RABGAP1L: variants seen among roughly 807,000 people sequenced by gnomAD.
RABGAP1L encodes the protein RAB GTPase activating protein 1 like, also known as rab GTPase-activating protein 1-like.
RABGAP1L carries 63 observed loss-of-function variants against 137.7 expected under a neutral mutation model. That is an observed-to-expected ratio of 0.46 (90% confidence interval 0.37 to 0.56). The LOEUF (loss-of-function observed/expected upper bound fraction) is 0.56, where lower values mean the gene tolerates loss of function less well. Ranked by LOEUF, RABGAP1L falls within the 20% of genes least tolerant of loss-of-function variation. The probability of loss-of-function intolerance (pLI) is 0.00; values close to 1 mark genes in which losing one functional copy is unlikely to be tolerated. For missense variants in RABGAP1L, 1,095 were observed against 1,244.0 expected (o/e 0.88, Z 1.80); for synonymous variants, 431 against 433.7 (o/e 0.99, Z 0.08).
intron 19 of RABGAP1L, among the ~76,000 whole-genome samples, chr1:174,914,593 T>C (rs1453100527): frequency 6.6e-6 from 1 of 152,220 alleles, no homozygotes; most frequent in African/African-American, 2.4e-5. Context: ...TGAAGCTTTA[T>C]ATTAATATAT....
intron 11 of RABGAP1L, among the ~76,000 whole-genome samples, chr1:174,352,257 C>A (rs1009825086): frequency 5.3e-5 from 8 of 151,858 alleles, no homozygotes; most frequent in African/African-American, 1.9e-4. Flanking sequence ...CTTTTTTATT[C>A]TTTTTTTCTT....
At chr1:174,680,661 T>G (rs545249957) in intron 14 of RABGAP1L, among the ~76,000 whole-genome samples, 2 of 152,208 alleles carry the variant, frequency 1.3e-5, no homozygotes, top group East Asian at 3.9e-4. Context: ...TTTGGAAGGC[T>G]GAGGTGGGCG....
chr1:174,383,403 G>A (rs1686391504), intron 12 of RABGAP1L, among the ~76,000 whole-genome samples: 1 of 151,904 alleles, frequency 6.6e-6, no homozygotes, highest in Admixed American at 6.5e-5. Context: ...CTGCCGCCTT[G>A]CAGTTTGATC....
At chr1:174,961,809 G>A (rs1278096184) in intron 20 of RABGAP1L, among the ~76,000 whole-genome samples, 3 of 131,488 alleles carry the variant, frequency 2.3e-5, no homozygotes, top group Non-Finnish European at 3.1e-5. Context: ...TCATGCCACT[G>A]CACTCCAGCG....
At chr1:174,406,119 T>A (rs1649239897) in intron 13 of RABGAP1L, among the ~76,000 whole-genome samples, 1 of 152,178 alleles carries the variant, frequency 6.6e-6, no homozygotes, top group Admixed American at 6.5e-5. Flanking sequence ...CAGAATAATT[T>A]AAATCAAATT....
In RABGAP1L at chr1:174,698,402, T is replaced by A. The variant is rs542522309; in HGVS notation, c.1900-1123T>A. On this transcript the variant is annotated intron_variant, in intron 15 of 25. Transcript: ENST00000681986. Reference sequence around the variant, plus strand: ...CTGGCCATTTCCCTGAAAACTGTATTTTACAGAAAGTAGCAACATCAAGAA... The same window carrying A: ...CTGGCCATTTCCCTGAAAACTGTATATTACAGAAAGTAGCAACATCAAGAA... Among the ~76,000 whole-genome samples the A allele has an allele frequency of 1.2e-3, 187 of 152,282 alleles. 2 individuals carry two copies. The highest frequency in any genetic ancestry group is 4.3e-3 in the African/African-American group (180 of 41,540).
intron 13 of RABGAP1L, among the ~76,000 whole-genome samples, chr1:174,527,864 T>C (rs116805818): frequency 6.6e-6 from 1 of 151,176 alleles, no homozygotes. Context: ...CCTCTTATCC[T>C]CCTCCTGGAA....
intron 13 of RABGAP1L, among the ~76,000 whole-genome samples, chr1:174,635,416 A>G (rs1314494347): frequency 6.6e-6 from 1 of 152,182 alleles, no homozygotes; most frequent in Admixed American, 6.5e-5. Flanking sequence ...AAAACCTGGC[A>G]GTGAAAACTT....
chr1:174,596,586 ATTTAC>A (rs1441859772), intron 13 of RABGAP1L, among the ~76,000 whole-genome samples: 3 of 152,130 alleles, frequency 2.0e-5, no homozygotes, highest in South Asian at 2.1e-4. Context: ...ATTTTATGTA[ATTTAC>A]TTCTCAGTTC....
chr1:174,615,416 G>C (rs1470679788), intron 13 of RABGAP1L, among the ~76,000 whole-genome samples: 1 of 152,186 alleles, frequency 6.6e-6, no homozygotes, highest in South Asian at 2.1e-4. Context: ...AAATGCTGCT[G>C]TCTGATCGTT....
rs1454288259 is a variant in RABGAP1L, at chr1:174,232,728, T to C, written c.542+1373T>C. ...AACCCAAGAGATCGTGCCACTGCGC[T>C]CCAGCCTGGGCGACAGAGCAAGACG... On this transcript the variant is annotated intron_variant, in intron 4 of 25. Coordinates refer to ENST00000681986, the MANE Select transcript of RABGAP1L (RefSeq NM_001366446.1). 3.4e-5 allele frequency among the ~76,000 whole-genome samples: 5 copies of C among 146,682 alleles called. No homozygotes were observed. In the Admixed American group the frequency reaches 3.5e-4, roughly 10 times the overall value.
chr1:174,306,730 A>G (rs1678295420), intron 11 of RABGAP1L, among the ~76,000 whole-genome samples: 1 of 151,662 alleles, frequency 6.6e-6, no homozygotes, highest in Admixed American at 6.6e-5. Flanking sequence ...TATCTGCTCT[A>G]TTTACTACAT....
rs1660395139 is a variant in RABGAP1L at position 174,492,865 on chromosome 1, C to T, written c.1710+98720C>T. ...CTTCCTTCATCACTCACTGCCTTTCCTTCCCCTCTTCCATATGTATAAGCA... is the reference window on the plus strand; with the variant it reads ...CTTCCTTCATCACTCACTGCCTTTCTTTCCCCTCTTCCATATGTATAAGCA... On this transcript the variant is annotated intron_variant, in intron 13 of 25. Coordinates refer to ENST00000681986, the MANE Select transcript of RABGAP1L (RefSeq NM_001366446.1). 2.0e-5 allele frequency among the ~76,000 whole-genome samples: 3 copies of T among 151,804 alleles called. No homozygotes were observed. The South Asian group carries it at 6.2e-4, about 32-fold the overall frequency.
At chr1:174,272,795 T>C (rs935705555) in intron 8 of RABGAP1L, among the ~76,000 whole-genome samples, 1 of 151,972 alleles carries the variant, frequency 6.6e-6, no homozygotes, top group African/African-American at 2.4e-5. Context: ...AACAAGCATC[T>C]CCAGAGTGAA....
chr1:174,796,636 C>A (rs547354535), intron 18 of RABGAP1L, among the ~76,000 whole-genome samples: 1 of 152,202 alleles, frequency 6.6e-6, no homozygotes, highest in East Asian at 1.9e-4. Flanking sequence ...AGTACATGAC[C>A]ACTTGTTGTA....
intron 13 of RABGAP1L, among the ~76,000 whole-genome samples, chr1:174,524,230 C>T (rs986463323): frequency 4.0e-5 from 6 of 151,454 alleles, no homozygotes; most frequent in Admixed American, 1.3e-4. Flanking sequence ...ATCTCTATAC[C>T]GTTTTCCATA....
intron 7 of RABGAP1L, among the ~76,000 whole-genome samples, chr1:174,255,305 G>A (rs1673030262): frequency 6.6e-6 from 1 of 152,062 alleles, no homozygotes. Flanking sequence ...ATTATATTTT[G>A]CATACAGGAA....
rs531582262 is a variant in RABGAP1L, at chr1:174,347,108, A to C, written c.1466-23871A>C. ...TGATATAATTTCAGTTTTTAAAATA[A>C]ATTTAATACTTTTTTTTGGCCTAAC... On this transcript the variant is annotated intron_variant, in intron 11 of 25. Coordinates refer to ENST00000681986, the MANE Select transcript of RABGAP1L (RefSeq NM_001366446.1). Among the ~76,000 whole-genome samples, 201 of 150,126 alleles carry C rather than the reference A, an allele frequency of 1.3e-3. 1 individual carries two copies. Among genetic ancestry groups the C allele is most frequent in the African/African-American group, 4.5e-3 (187 of 41,518 alleles).
rs1442125517 is a variant in RABGAP1L at position 174,838,568 on chromosome 1, A to G, written c.2340+26608A>G. Reference sequence around the variant, plus strand: ...AGATGTTCTTTCTTAGGAAATTTTTAATTTGAAATAGAGAGTATTATTTGA... The same window carrying G: ...AGATGTTCTTTCTTAGGAAATTTTTGATTTGAAATAGAGAGTATTATTTGA... On this transcript the variant is annotated intron_variant, in intron 19 of 25. Coordinates refer to ENST00000681986, the MANE Select transcript of RABGAP1L (RefSeq NM_001366446.1). Among the ~76,000 whole-genome samples, 13 of 152,148 alleles carry G rather than the reference A, an allele frequency of 8.5e-5. No homozygotes were observed. The South Asian group carries it at 2.5e-3, about 29-fold the overall frequency.
Sources: allele counts gnomAD v4.1 joint callset (sites outside exome capture counted in the v4.1 genomes callset), GRCh38; gene constraint gnomAD v4.1.1; transcripts MANE v1.5; gene names NCBI Gene and HGNC (gene_info 2026-07-23, HGNC 2026-07-21).